GAS2: variants seen among roughly 807,000 people sequenced by gnomAD.
The protein encoded by GAS2 is growth arrest specific 2.
A neutral mutation model predicts 37.5 loss-of-function variants in GAS2; 20 were observed. The observed-to-expected ratio is 0.53, with a 90% CI of 0.37 to 0.77. The LOEUF is 0.77. Ranked by LOEUF, GAS2 falls within the 30% of genes least tolerant of loss-of-function variation. The pLI is 0.00. For missense variants in GAS2, 336 were observed against 373.4 expected, an observed-to-expected ratio of 0.90 and a Z score of 0.82; for synonymous variants, 144 against 132.2, an observed-to-expected ratio of 1.09 and a Z score of -0.61.
intron 1 of GAS2, among the ~76,000 whole-genome samples, chr11:22,637,675 T>C (rs1415124197): frequency 7.2e-6 from 1 of 138,736 alleles, no homozygotes; most frequent in Middle Eastern, 3.3e-3. Flanking sequence ...AATAAATATT[T>C]ATATTATATC....
rs1025543587 is a variant in GAS2 at position 22,764,995 on chromosome 11, A to G, written c.723+9042A>G. On this transcript the variant is annotated intron_variant, in intron 7 of 7. Transcript: ENST00000454584. Reference sequence around the variant, plus strand: ...TGCCATTATGCTGTATCTAGAATCAATGTACAATTGCTTTTTCATTGGCCA... The same window carrying G: ...TGCCATTATGCTGTATCTAGAATCAGTGTACAATTGCTTTTTCATTGGCCA... 6.6e-5 allele frequency among the ~76,000 whole-genome samples: 10 copies of G among 152,302 alleles called. No individual in the cohort carries two copies. In the East Asian group the frequency reaches 7.7e-4, roughly 12 times the overall value.
rs891809932 is a variant in GAS2 at position 22,647,208 on chromosome 11, T to C, written c.-21+21395T>C. ...TGTTCTTGCGATAGTTTACTGAGAA[T>C]GATGATTTCCAATTTCATCCATGTC... On this transcript the variant is annotated intron_variant, in intron 1 of 5. Coordinates refer to the GAS2 transcript ENST00000528582. Among the ~76,000 whole-genome samples, 187 of 151,842 alleles carry C rather than the reference T, an allele frequency of 1.2e-3. 1 individual carries two copies. The highest frequency in any genetic ancestry group is 6.8e-3 in the Middle Eastern group (2 of 294).
At chr11:22,692,797 C>T (rs1850312701) in intron 3 of GAS2, among the ~76,000 whole-genome samples, 1 of 152,034 alleles carries the variant, frequency 6.6e-6, no homozygotes, top group African/African-American at 2.4e-5. Flanking sequence ...AAAAATATGG[C>T]CCAGTGGATC....
At chr11:22,659,541 T>G (rs768846037) in intron 1 of GAS2, among the ~76,000 whole-genome samples, 2 of 152,212 alleles carry the variant, frequency 1.3e-5, no homozygotes, top group Non-Finnish European at 2.9e-5. Flanking sequence ...CTCAAAAGCC[T>G]TCTTCGGTAT....
rs573036597 is a variant in GAS2, at chr11:22,684,795, C to T, written c.146-873C>T. Among the ~76,000 whole-genome samples the T allele has an allele frequency of 2.2e-4, 33 of 152,278 alleles. No homozygotes were observed. The South Asian group carries it at 4.6e-3, about 21-fold the overall frequency. ...GTTGCCCCATGGCTGGTCTCTAACTCACGAGCTCAAGCAATCCACCTACCT... is the reference window on the plus strand; with the variant it reads ...GTTGCCCCATGGCTGGTCTCTAACTTACGAGCTCAAGCAATCCACCTACCT... On this transcript the variant is annotated intron_variant, in intron 2 of 7. Coordinates refer to ENST00000454584, the MANE Select transcript of GAS2 (RefSeq NM_001143830.3).
intron 7 of GAS2, 82 bp from the exon 8 acceptor site, chr11:22,811,716 T>C (rs551257824): frequency 3.8e-6 from 5 of 1,322,298 alleles, no homozygotes; most frequent in East Asian, 2.3e-5. Flanking sequence ...ACCAAAACAC[T>C]AATTTCACTA....
At chr11:22,665,880 A>G (rs1427544309), upstream of GAS2, among the ~76,000 whole-genome samples, 1 of 152,244 alleles carries the variant, frequency 6.6e-6, no homozygotes, top group Non-Finnish European at 1.5e-5. Flanking sequence ...TATCCAAGCA[A>G]GGATCACAAT....
At chr11:22,709,741 G>A (rs1338356464) in intron 3 of GAS2, among the ~76,000 whole-genome samples, 1 of 152,142 alleles carries the variant, frequency 6.6e-6, no homozygotes. Context: ...ATTCACAATA[G>A]CAAAGACTTG....
intron 1 of GAS2, among the ~76,000 whole-genome samples, chr11:22,673,788 A>G (rs1241171103): frequency 6.6e-6 from 1 of 152,208 alleles, no homozygotes; most frequent in Non-Finnish European, 1.5e-5. Context: ...ATTCAAGGCC[A>G]AATATATATT....
chr11:22,641,192 T>G (rs1848618018), intron 1 of GAS2, among the ~76,000 whole-genome samples: 1 of 118,348 alleles, frequency 8.4e-6, no homozygotes. Flanking sequence ...AGGATTCTGG[T>G]TCTTTCTTTA....
At chr11:22,629,884 C>A (rs1196792002) in intron 1 of GAS2, among the ~76,000 whole-genome samples, 1 of 152,050 alleles carries the variant, frequency 6.6e-6, no homozygotes, top group Admixed American at 6.6e-5. Flanking sequence ...ATCTTTGCCT[C>A]GGTCAGTGTC....
chr11:22,676,507 C>A (rs1234174930), intron 2 of GAS2, among the ~76,000 whole-genome samples: 1 of 152,126 alleles, frequency 6.6e-6, no homozygotes, highest in Non-Finnish European at 1.5e-5. Flanking sequence ...GCAGTATGAT[C>A]TTGGGCAAAT....
intron 7 of GAS2, among the ~76,000 whole-genome samples, chr11:22,791,727 T>G (rs547828707): frequency 1.3e-5 from 2 of 151,932 alleles, no homozygotes; most frequent in South Asian, 2.1e-4. Flanking sequence ...TCAGAATGAG[T>G]TACACTATTG....
intron 6 of GAS2, among the ~76,000 whole-genome samples, chr11:22,749,596 A>G (rs981054362): frequency 8.5e-5 from 13 of 152,084 alleles, no homozygotes; most frequent in Non-Finnish European, 1.5e-4. Flanking sequence ...TCTGAAAACA[A>G]GATCTTGAGG....
intron 1 of GAS2, among the ~76,000 whole-genome samples, chr11:22,651,314 G>T (rs1848772729): frequency 6.6e-6 from 1 of 152,178 alleles, no homozygotes; most frequent in African/African-American, 2.4e-5. Context: ...GCTTCCCTTT[G>T]TGGGTAACCC....
intron 7 of GAS2, among the ~76,000 whole-genome samples, chr11:22,762,682 A>G (rs1198628065): frequency 6.6e-6 from 1 of 152,156 alleles, no homozygotes; most frequent in African/African-American, 2.4e-5. Context: ...TGCCTAATAT[A>G]AAGATATATA....
chr11:22,664,008 T>G (rs1848946820), upstream of GAS2, among the ~76,000 whole-genome samples: 1 of 152,196 alleles, frequency 6.6e-6, no homozygotes, highest in Non-Finnish European at 1.5e-5. Flanking sequence ...TGTCTTCATG[T>G]ATTTTTTAAT....
intron 5 of GAS2, 142 bp from the exon 6 acceptor site, chr11:22,748,978 A>T: frequency 1.2e-6 from 1 of 818,476 alleles, no homozygotes; most frequent in Non-Finnish European, 1.9e-6. Context: ...TCAAGAGCTT[A>T]CAATTTCAAT....
At chr11:22,632,123 G>A (rs940694977) in intron 1 of GAS2, among the ~76,000 whole-genome samples, 7 of 151,830 alleles carry the variant, frequency 4.6e-5, no homozygotes, top group Non-Finnish European at 8.8e-5. Context: ...GGTGTTCTTC[G>A]TAGTCTTGAA....
Sources: allele counts gnomAD v4.1 joint callset (sites outside exome capture counted in the v4.1 genomes callset), GRCh38; gene constraint gnomAD v4.1.1; transcripts MANE v1.5; gene names NCBI Gene and HGNC (gene_info 2026-07-23, HGNC 2026-07-21).